AP3S2: variants seen among roughly 807,000 people sequenced by gnomAD.
AP3S2 encodes AP-3 complex subunit sigma-2.
AP3S2 carries 22 observed loss-of-function variants against 23.4 expected under a neutral mutation model. That is an observed-to-expected ratio of 0.94 (90% CI 0.67 to 1.34). AP3S2 has a LOEUF of 1.34. Ranked by LOEUF, AP3S2 falls within the 40% of genes most tolerant of loss-of-function variation. The pLI is 0.00. For synonymous variants in AP3S2, 86 were observed against 87.1 expected (o/e 0.99, Z 0.07); for missense variants, 241 against 236.9 (o/e 1.02, Z -0.11).
intron 4 of AP3S2, among the ~76,000 whole-genome samples, chr15:89,869,083 A>T (rs1322492524): frequency 2.0e-5 from 3 of 152,136 alleles, no homozygotes; most frequent in Non-Finnish European, 4.4e-5. Flanking sequence ...CCAACAGCTC[A>T]TTGAGAACGG....
At chr15:89,840,394 T>A (rs1362714444) in intron 4 of AP3S2, among the ~76,000 whole-genome samples, 1 of 152,164 alleles carries the variant, frequency 6.6e-6, no homozygotes, top group Non-Finnish European at 1.5e-5. Flanking sequence ...AACATTCATC[T>A]AAGGTAGGTA....
At chr15:89,884,581 G>A (rs896555917) in intron 3 of AP3S2, among the ~76,000 whole-genome samples, 3 of 151,720 alleles carry the variant, frequency 2.0e-5, no homozygotes, top group Non-Finnish European at 2.9e-5. Context: ...ACTGATTGTC[G>A]GCTAAGATTT....
chr15:89,849,588 CG>C (rs1225165601), intron 4 of AP3S2, among the ~76,000 whole-genome samples: 1 of 151,960 alleles, frequency 6.6e-6, no homozygotes, highest in Non-Finnish European at 1.5e-5. Context: ...AGGATGGTCT[CG>C]ATCTCCTGAC....
chr15:89,842,596 G>A (rs574949390), intron 4 of AP3S2, among the ~76,000 whole-genome samples: 10 of 152,178 alleles, frequency 6.6e-5, no homozygotes, highest in African/African-American at 2.4e-4. Context: ...CAGAAAGTGT[G>A]ACTCAAGGAC....
chr15:89,878,838 C>T (rs2018464), intron 3 of AP3S2, among the ~76,000 whole-genome samples: 69,868 of 152,052 alleles, frequency 0.46, 16,282 homozygotes, highest in East Asian at 0.61. Flanking sequence ...CCTCCGCCTC[C>T]CAGGTTCAAG....
intron 3 of AP3S2, among the ~76,000 whole-genome samples, chr15:89,881,914 G>A (rs1896577754): frequency 6.6e-6 from 1 of 151,104 alleles, no homozygotes; most frequent in Non-Finnish European, 1.5e-5. Flanking sequence ...TCCACCTCCC[G>A]GGTTCAAGCA....
intron 4 of AP3S2, among the ~76,000 whole-genome samples, chr15:89,847,481 C>T (rs1567174827): frequency 6.8e-6 from 1 of 147,990 alleles, no homozygotes; most frequent in Non-Finnish European, 1.5e-5. Flanking sequence ...TTCAAGGATA[C>T]AGATGTGCCT....
intron 4 of AP3S2, among the ~76,000 whole-genome samples, chr15:89,868,643 G>C (rs1896227023): frequency 8.7e-6 from 1 of 114,750 alleles, no homozygotes. Context: ...CCCCTACTGG[G>C]AAGTGAGGAG....
At chr15:89,855,081 G>A (rs1210911172) in intron 4 of AP3S2, among the ~76,000 whole-genome samples, 1 of 141,932 alleles carries the variant, frequency 7.0e-6, no homozygotes, top group Non-Finnish European at 1.5e-5. Context: ...TTGTGGAACA[G>A]AAAGGCGGGA....
At chr15:89,884,626 G>A (rs568603959) in intron 3 of AP3S2, among the ~76,000 whole-genome samples, 1 of 150,980 alleles carries the variant, frequency 6.6e-6, no homozygotes, top group South Asian at 2.1e-4. Context: ...GTACTAATAC[G>A]CAATATTTGA....
intron 4 of AP3S2, chr15:89,850,604 T>G (rs770348696): frequency 3.3e-5 from 5 of 153,646 alleles, no homozygotes; most frequent in Non-Finnish European, 7.3e-5. Context: ...TTCATTTCCT[T>G]TTTGTTTTTG....
chr15:89,853,017 TA>T (rs1053793978), intron 4 of AP3S2, among the ~76,000 whole-genome samples: 13 of 151,574 alleles, frequency 8.6e-5, no homozygotes, highest in East Asian at 1.9e-4. Flanking sequence ...GTCCCCAACT[TA>T]AAAAAAAATT....
chr15:89,859,078 A>T (rs1895936825), intron 4 of AP3S2, among the ~76,000 whole-genome samples: 1 of 150,528 alleles, frequency 6.6e-6, no homozygotes, highest in South Asian at 2.1e-4. Flanking sequence ...GGCTGTTCTC[A>T]AACTCCTGGG....
At chr15:89,866,946 G>A (rs1441285982) in intron 4 of AP3S2, among the ~76,000 whole-genome samples, 3 of 150,860 alleles carry the variant, frequency 2.0e-5, no homozygotes, top group Non-Finnish European at 3.0e-5. Flanking sequence ...CCTCTCCATG[G>A]GCTCTTCTCT....
At position 89,837,027 on chromosome 15, in the gene AP3S2, G is replaced by A. The variant is rs148132283; in HGVS notation, c.453+588C>T. Among the ~76,000 whole-genome samples the A allele has an allele frequency of 8.1e-3, 1,237 of 152,298 alleles. 25 individuals are homozygous for A. The highest frequency in any genetic ancestry group is 9.4e-3 in the Non-Finnish European group (637 of 68,032). On this transcript the variant is annotated intron_variant, in intron 5 of 5. Coordinates refer to ENST00000336418, the MANE Select transcript of AP3S2 (RefSeq NM_005829.5). ...TGGGAAGGCTGAGGAAGGGGACGGC[G>A]AGACCTCAGAGGGATAGGACAGAAT...
rs1895160872 is a variant in AP3S2, at chr15:89,835,284, C to T, written c.*231G>A. 3.1e-6 allele frequency: 2 copies of T among 640,204 alleles called. No individual in the cohort carries two copies. Among genetic ancestry groups the T allele is most frequent in the Non-Finnish European group, 5.1e-6 (2 of 393,918 alleles). 39.7% of individuals were successfully genotyped at this position (640,204 alleles called of 1,614,324 possible). On this transcript the variant is annotated 3_prime_UTR_variant, in exon 6 of 6. Coordinates refer to ENST00000336418, the MANE Select transcript of AP3S2 (RefSeq NM_005829.5). ...CAGGGCCCCTCACATCTGCAGTGGC[C>T]GTATGCATCAGAGAACGGCATGACT...
At chr15:89,875,156 G>A (rs750814817) in intron 3 of AP3S2, among the ~76,000 whole-genome samples, 40 of 152,212 alleles carry the variant, frequency 2.6e-4, no homozygotes, top group Non-Finnish European at 4.7e-4. Flanking sequence ...GCACGTGGAG[G>A]TGCCCCCTAG....
intron 4 of AP3S2, among the ~76,000 whole-genome samples, chr15:89,850,325 A>C (rs1202390892): frequency 6.6e-6 from 1 of 152,188 alleles, no homozygotes; most frequent in African/African-American, 2.4e-5. Flanking sequence ...CACTCACAGG[A>C]TCATACATTG....
In AP3S2 at chr15:89,832,427, G is replaced by A. The variant is rs903080095; in HGVS notation, c.*3088C>T. On this transcript the variant is annotated 3_prime_UTR_variant, in exon 6 of 6. Coordinates refer to ENST00000336418, the MANE Select transcript of AP3S2 (RefSeq NM_005829.5). ...CCACTGCACTCCAGCCTGAGCCACA[G>A]TGTGAGACCCCCATCTCACAAAAAA... is the stretch of plus-strand genomic sequence containing the variant. 11 of 151,664 alleles carry A rather than the reference G, an allele frequency of 7.3e-5. No homozygotes were observed. The highest frequency in any genetic ancestry group is 2.7e-4 in the African/African-American group (11 of 41,270). The allele number at this position is 151,664 out of a possible 1,614,324, so 9.4% of individuals were successfully genotyped here. A position where few individuals can be genotyped will look rare whatever the true frequency, so the allele number is the denominator to read the frequency against.
Sources: gnomAD v4.1 joint callset for allele counts (sites outside exome capture counted in the v4.1 genomes callset) on GRCh38, gnomAD v4.1.1 for gene constraint, MANE v1.5 for transcripts, NCBI Gene and HGNC (gene_info 2026-07-23, HGNC 2026-07-21) for gene names.